ADGRV1: variants seen among roughly 807,000 people sequenced by gnomAD.
The protein encoded by ADGRV1 is G-protein coupled receptor 98.
In ADGRV1, 359 loss-of-function variants were observed where a neutral mutation model predicts 596.2. The ratio of observed to expected loss-of-function variants is 0.60; its 90% CI spans 0.55 to 0.66. ADGRV1 has a LOEUF of 0.66. ADGRV1 is among the 30% of genes least tolerant of loss of function. ADGRV1 has a pLI of 0.00. For synonymous variants in ADGRV1, 2,681 were observed against 2,679.2 expected, an observed-to-expected ratio of 1.00 and a Z score of -0.02; for missense variants, 7,274 against 7,575.6, an observed-to-expected ratio of 0.96 and a Z score of 1.48.
At chr5:90,622,727 TTTTATTTATTTTTATTTTTA>T in intron 5 of ADGRV1, 26 bp downstream of exon 5, 2 of 968,340 alleles carry the variant, frequency 2.1e-6, no homozygotes, top group Non-Finnish European at 1.5e-6. Flanking sequence ...AGTCATTTTA[TTTTATTTATTTTTATTTTTA>T]TTTATTTATT....
intron 84 of ADGRV1, among the ~76,000 whole-genome samples, chr5:90,970,574 T>A (rs1778877173): frequency 6.8e-6 from 1 of 146,788 alleles, no homozygotes; most frequent in Non-Finnish European, 1.5e-5. Context: ...CAGCCTCTGC[T>A]GCTGATACCC....
chr5:90,673,100 T>C (rs1433075168), intron 22 of ADGRV1, among the ~76,000 whole-genome samples: 4 of 152,238 alleles, frequency 2.6e-5, no homozygotes, highest in Non-Finnish European at 5.9e-5. Context: ...CTTTAAATTT[T>C]GAATTAAATT....
intron 63 of ADGRV1, 95 bp from the exon 64 acceptor site, chr5:90,778,770 T>C: frequency 8.6e-7 from 1 of 1,156,156 alleles, no homozygotes. Context: ...ATATGTAATT[T>C]TAACACAATC....
intron 85 of ADGRV1, among the ~76,000 whole-genome samples, chr5:91,071,348 G>C (rs1279587209): frequency 6.6e-6 from 1 of 152,098 alleles, no homozygotes; most frequent in Non-Finnish European, 1.5e-5. Flanking sequence ...TTCTTTTGAG[G>C]TTAAATAGAG....
intron 86 of ADGRV1, among the ~76,000 whole-genome samples, chr5:91,093,014 TCTTTA>T (rs1582033215): frequency 6.6e-6 from 1 of 152,350 alleles, no homozygotes; most frequent in East Asian, 1.9e-4. Context: ...TTGGCTCATC[TCTTTA>T]CTTCCAGCGC....
At chr5:90,580,770 T>C (rs928619031) in intron 1 of ADGRV1, among the ~76,000 whole-genome samples, 8 of 152,018 alleles carry the variant, frequency 5.3e-5, no homozygotes, top group African/African-American at 1.9e-4. Flanking sequence ...GGGGTTGCTC[T>C]TCTGGAGGAG....
intron 1 of ADGRV1, among the ~76,000 whole-genome samples, chr5:90,580,898 G>A (rs1344791708): frequency 6.6e-6 from 1 of 151,848 alleles, no homozygotes; most frequent in Non-Finnish European, 1.5e-5. Context: ...CCAATCAAAC[G>A]TAGATTTGGT....
Position 90,797,456 on chromosome 5 carries a change from G to A in ADGRV1, c.14518-5283G>A, listed in dbSNP as rs1393809169. On this transcript the variant is annotated intron_variant, in intron 70 of 89. Coordinates refer to ENST00000405460, the MANE Select transcript of ADGRV1 (RefSeq NM_032119.4). ...CTTAAATATATATGCACTCAATACA[G>A]GAGCACCCAGATTCAAAAAGCAAGT... Among the ~76,000 whole-genome samples the A allele has an allele frequency of 2.6e-5, 4 of 152,036 alleles. No individual in the cohort carries two copies. In the South Asian group the frequency reaches 6.2e-4, roughly 24 times the overall value.
At chr5:90,667,771 T>C (rs1382769404) in intron 21 of ADGRV1, among the ~76,000 whole-genome samples, 1 of 152,238 alleles carries the variant, frequency 6.6e-6, no homozygotes, top group African/African-American at 2.4e-5. Context: ...ATGATGGTGA[T>C]GTACAGATGG....
intron 78 of ADGRV1, among the ~76,000 whole-genome samples, chr5:90,842,930 T>C (rs1765559842): frequency 6.6e-6 from 1 of 152,048 alleles, no homozygotes; most frequent in Admixed American, 6.6e-5. Context: ...TTAACTGACT[T>C]ATTTAATAAT....
In ADGRV1 at chr5:90,810,651, G is replaced by C; in HGVS notation, c.15391G>C (p.Ala5131Pro). The change falls in exon 74 of 90, where the codon GCA becomes CCA. Residue 5131 changes from alanine (A) to proline (P), a missense_variant. Ala to Pro is a conservative substitution (Grantham distance 27). Transcript: ENST00000405460. ...TACAATATTGGATAATGATGACCTG[G>C]CAGGAATGGATATTTCCTTCCCCGA... ...VITILDNDDL[A>P]GMDISFPETT... is the part of the protein sequence containing the mutation. 2 of 1,613,854 alleles carry C rather than the reference G, an allele frequency of 1.2e-6. No homozygotes were observed. Among genetic ancestry groups the C allele is most frequent in the Middle Eastern group, 1.6e-4 (1 of 6,062 alleles).
intron 83 of ADGRV1, among the ~76,000 whole-genome samples, chr5:90,881,107 A>G (rs1362775408): frequency 1.3e-5 from 2 of 152,220 alleles, no homozygotes; most frequent in African/African-American, 4.8e-5. Context: ...GTAAACACCA[A>G]TGTGAGAAGC....
intron 84 of ADGRV1, among the ~76,000 whole-genome samples, chr5:90,973,206 A>G (rs1779218747): frequency 1.3e-5 from 2 of 152,206 alleles, no homozygotes; most frequent in Non-Finnish European, 2.9e-5. Context: ...TGAGGCAATA[A>G]TTAATAGCCT....
intron 84 of ADGRV1, among the ~76,000 whole-genome samples, chr5:90,985,080 G>C (rs185513402): frequency 6.6e-6 from 1 of 152,316 alleles, no homozygotes; most frequent in African/African-American, 2.4e-5. Context: ...GAGTAAATCA[G>C]AGCAAATTAA....
intron 9 of ADGRV1, among the ~76,000 whole-genome samples, chr5:90,631,350 A>G (rs1765473738): frequency 6.6e-6 from 1 of 152,110 alleles, no homozygotes; most frequent in Non-Finnish European, 1.5e-5. Context: ...CTGAGCCTCC[A>G]GGCATACTTG....
chr5:91,078,673 C>T (rs1789061520), intron 86 of ADGRV1, among the ~76,000 whole-genome samples: 1 of 152,220 alleles, frequency 6.6e-6, no homozygotes, highest in Non-Finnish European at 1.5e-5. Context: ...GTGCAGCAGA[C>T]ATGTGCAAAG....
At chr5:90,788,869 C>CAA (rs908826125) in intron 68 of ADGRV1, among the ~76,000 whole-genome samples, 1 of 140,286 alleles carries the variant, frequency 7.1e-6, no homozygotes, top group African/African-American at 3.3e-5. Context: ...CACAGACACA[C>CAA]ACACACACAC....
intron 47 of ADGRV1, 142 bp downstream of exon 47, chr5:90,725,374 G>A (rs953641928): frequency 4.3e-6 from 3 of 697,926 alleles, no homozygotes; most frequent in Non-Finnish European, 2.3e-6. Flanking sequence ...TTTTAGCAAA[G>A]TATCTTAATC....
In ADGRV1 at chr5:90,637,810, C is replaced by T; in HGVS notation, c.2102C>T (p.Ala701Val). ...AAGCCCTCTGGCTTTAATTCAAAAGCAGTGACCCCGGATGATATAGGCCCC... is the reference window on the plus strand; with the variant it reads ...AAGCCCTCTGGCTTTAATTCAAAAGTAGTGACCCCGGATGATATAGGCCCC... ...SLKPSGFNSK[A>V]VTPDDIGPFN... The change falls in exon 11 of 90, where the codon GCA becomes GTA. Residue 701 changes from alanine (A) to valine (V), a missense_variant. This residue lies in a region of ADGRV1 where 1,715 missense variants were observed against 1,708.8 expected (regional missense o/e 1.00). Transcript: ENST00000405460. 1.2e-6 allele frequency: 2 copies of T among 1,613,616 alleles called. No individual in the cohort carries two copies. Among genetic ancestry groups the T allele is most frequent in the Non-Finnish European group, 1.7e-6 (2 of 1,179,734 alleles).
Sources: gnomAD v4.1 joint callset for allele counts (sites outside exome capture counted in the v4.1 genomes callset) on GRCh38, gnomAD v4.1.1 for gene constraint, gnomAD v4.1.1 regional missense constraint, MANE v1.5 for transcripts, NCBI Gene and HGNC (gene_info 2026-07-23, HGNC 2026-07-21) for gene names.